Variants in MACROD2 observed in about 807,000 individuals in gnomAD.
MACROD2 encodes ADP-ribose glycohydrolase MACROD2.
In MACROD2, 36 loss-of-function variants were observed where a neutral mutation model predicts 70.4. That is an observed-to-expected ratio of 0.51 (90% CI 0.39 to 0.68). The LOEUF (loss-of-function observed/expected upper bound fraction) is 0.68. MACROD2 is among the 30% of genes least tolerant of loss of function. The pLI is 0.00. For missense variants in MACROD2, 496 were observed against 538.4 expected (o/e 0.92, Z 0.78); for synonymous variants, 172 against 178.8 (o/e 0.96, Z 0.30).
intron 6 of MACROD2, among the ~76,000 whole-genome samples, chr20:15,430,389 C>G (rs1013357403): frequency 2.0e-5 from 3 of 151,996 alleles, no homozygotes; most frequent in Non-Finnish European, 4.4e-5. Flanking sequence ...AGAGGTTGTA[C>G]TAATTTACAT....
chr20:14,123,998 T>G (rs1198702478), intron 3 of MACROD2, among the ~76,000 whole-genome samples: 1 of 152,182 alleles, frequency 6.6e-6, no homozygotes, highest in Non-Finnish European at 1.5e-5. Flanking sequence ...TTTTTGAAAA[T>G]AATTGGAGAT....
At chr20:14,500,093 G>A (rs1265289612) in intron 4 of MACROD2, among the ~76,000 whole-genome samples, 1 of 152,214 alleles carries the variant, frequency 6.6e-6, no homozygotes, top group East Asian at 1.9e-4. Flanking sequence ...GGAAGCAGAA[G>A]GTCATGATCT....
At chr20:14,621,570 T>C (rs1435495932) in intron 4 of MACROD2, among the ~76,000 whole-genome samples, 2 of 152,186 alleles carry the variant, frequency 1.3e-5, no homozygotes, top group Non-Finnish European at 2.9e-5. Context: ...CTGCTCAGCA[T>C]AACATGGGAA....
chr20:14,019,732 T>A (rs185921565), intron 2 of MACROD2, among the ~76,000 whole-genome samples: 131 of 152,190 alleles, frequency 8.6e-4, no homozygotes, highest in African/African-American at 3.0e-3. Flanking sequence ...GGTGGAGCCA[T>A]CTTGTTGTGA....
chr20:15,335,431 C>G (rs2078037661), intron 6 of MACROD2, among the ~76,000 whole-genome samples: 1 of 151,160 alleles, frequency 6.6e-6, no homozygotes, highest in African/African-American at 2.5e-5. Context: ...TTCTTTATGT[C>G]TGTTAAAATA....
chr20:14,014,931 G>T (rs1323594596), intron 2 of MACROD2, among the ~76,000 whole-genome samples: 2 of 151,008 alleles, frequency 1.3e-5, no homozygotes, highest in Non-Finnish European at 2.9e-5. Context: ...CTCCTGAGTA[G>T]TTGGGACTAC....
chr20:14,954,706 T>TTATGAATA (rs2074506457), intron 5 of MACROD2, among the ~76,000 whole-genome samples: 2 of 27,030 alleles, frequency 7.4e-5, no homozygotes, highest in African/African-American at 2.4e-4. Context: ...TATAAATAAA[T>TTATGAATA]TATAAATATA....
At chr20:15,788,236 G>C (rs2147051421) in intron 8 of MACROD2, among the ~76,000 whole-genome samples, 1 of 152,172 alleles carries the variant, frequency 6.6e-6, no homozygotes, top group African/African-American at 2.4e-5. Context: ...GAAAACACCT[G>C]GAAATGCCAC....
chr20:15,589,526 A>T (rs1045955224), intron 8 of MACROD2, among the ~76,000 whole-genome samples: 1 of 152,176 alleles, frequency 6.6e-6, no homozygotes. Context: ...CTACATTGAC[A>T]TGTCATTATC....
intron 8 of MACROD2, among the ~76,000 whole-genome samples, chr20:15,803,201 C>G (rs1003258011): frequency 1.3e-5 from 2 of 151,946 alleles, no homozygotes; most frequent in Admixed American, 6.5e-5. Flanking sequence ...GGCAAGGACA[C>G]AATAAACAAA....
chr20:15,710,194 C>CAAAAAAAAAA (rs67656339), intron 8 of MACROD2, among the ~76,000 whole-genome samples: 126 of 102,608 alleles, frequency 1.2e-3, no homozygotes, highest in East Asian at 1.8e-3. Context: ...ATCAAAAAGA[C>CAAAAAAAAAA]AAAAAAAAAA....
At chr20:14,133,746 A>G (rs1207949998) in intron 3 of MACROD2, among the ~76,000 whole-genome samples, 1 of 152,204 alleles carries the variant, frequency 6.6e-6, no homozygotes, top group Non-Finnish European at 1.5e-5. Context: ...TATTTTGCAT[A>G]CTGTGGTGCT....
At chr20:15,856,212 T>G (rs972491857) in intron 8 of MACROD2, among the ~76,000 whole-genome samples, 1 of 152,202 alleles carries the variant, frequency 6.6e-6, no homozygotes, top group Non-Finnish European at 1.5e-5. Flanking sequence ...TACTTGATAT[T>G]GTCTTTTCAT....
intron 5 of MACROD2, among the ~76,000 whole-genome samples, chr20:15,087,659 T>C (rs147776869): frequency 1.4e-3 from 217 of 152,074 alleles, no homozygotes; most frequent in African/African-American, 4.8e-3. Context: ...AGAGGACTTA[T>C]TAAGAAAGAC....
At chr20:15,144,339 A>G (rs920733944) in intron 5 of MACROD2, among the ~76,000 whole-genome samples, 7 of 152,182 alleles carry the variant, frequency 4.6e-5, no homozygotes, top group South Asian at 2.1e-4. Flanking sequence ...ATGTCAGGAT[A>G]GTGTGATGGG....
chr20:15,450,907 A>G (rs1374528337), intron 7 of MACROD2, among the ~76,000 whole-genome samples: 1 of 152,166 alleles, frequency 6.6e-6, no homozygotes, highest in Non-Finnish European at 1.5e-5. Flanking sequence ...CAAGTACAAA[A>G]TGGAATTGCG....
At chr20:14,348,278 A>AAATAAAT (rs1555784025) in intron 3 of MACROD2, among the ~76,000 whole-genome samples, 5 of 143,938 alleles carry the variant, frequency 3.5e-5, no homozygotes, top group South Asian at 2.1e-4. Context: ...CAAAAAAAAA[A>AAATAAAT]AAATAAATAA....
At chr20:15,164,984 G>A (rs941362594) in intron 5 of MACROD2, among the ~76,000 whole-genome samples, 10 of 152,012 alleles carry the variant, frequency 6.6e-5, no homozygotes, top group African/African-American at 1.7e-4. Context: ...AATTACTGAA[G>A]TCATAACAAA....
intron 15 of MACROD2, among the ~76,000 whole-genome samples, chr20:16,024,782 T>A (rs913663698): frequency 3.0e-4 from 45 of 152,244 alleles, no homozygotes; most frequent in African/African-American, 1.1e-3. Flanking sequence ...GAGGGGGTGT[T>A]CCTGCTTCTA....
Sources: gnomAD v4.1 joint callset for allele counts (sites outside exome capture counted in the v4.1 genomes callset) on GRCh38, gnomAD v4.1.1 for gene constraint, MANE v1.5 for transcripts, NCBI Gene and HGNC (gene_info 2026-07-23, HGNC 2026-07-21) for gene names.